USH2A: variants seen among roughly 807,000 people sequenced by gnomAD.
USH2A encodes the protein usherin.
In USH2A, 443 loss-of-function variants were observed where a neutral mutation model predicts 538.9. The observed-to-expected ratio is 0.82, with a 90% CI of 0.76 to 0.89. USH2A has a LOEUF of 0.89. Among genes scored for constraint, USH2A ranks in the 40% least tolerant of loss-of-function variants. USH2A has a pLI of 0.00. For missense variants in USH2A, 6,633 were observed against 6,324.8 expected (o/e 1.05, Z -1.65); for synonymous variants, 2,413 against 2,273.5 (o/e 1.06, Z -1.75).
intron 9 of USH2A, among the ~76,000 whole-genome samples, chr1:216,321,272 C>T (rs1490209891): frequency 2.0e-5 from 3 of 152,126 alleles, no homozygotes; most frequent in African/African-American, 7.2e-5. Flanking sequence ...TTCCTACCAA[C>T]GAATGTTTCT....
chr1:215,665,470 G>T (rs1226472896), intron 64 of USH2A, among the ~76,000 whole-genome samples: 2 of 152,160 alleles, frequency 1.3e-5, no homozygotes, highest in East Asian at 3.9e-4. Flanking sequence ...TCAGTGAAAG[G>T]GGGGGTGGTG....
At position 215,875,985 on chromosome 1, in the gene USH2A, C is replaced by G. The variant is rs144089814; in HGVS notation, c.8681+1773G>C. 8.9e-3 allele frequency among the ~76,000 whole-genome samples: 1,295 copies of G among 146,234 alleles called. 14 individuals carry two copies. The highest frequency in any genetic ancestry group is 0.03 in the African/African-American group (1,202 of 39,574). On this transcript the variant is annotated intron_variant, in intron 43 of 71. Coordinates refer to ENST00000307340, the MANE Select transcript of USH2A (RefSeq NM_206933.4). ...ATAAAAATACATATTATATCACACTCTCTATGGAGGGGGCGGGGGGAAGGG... is the reference window on the plus strand; with the variant it reads ...ATAAAAATACATATTATATCACACTGTCTATGGAGGGGGCGGGGGGAAGGG...
chr1:215,874,965 G>C (rs1664721023), intron 43 of USH2A, among the ~76,000 whole-genome samples: 1 of 152,194 alleles, frequency 6.6e-6, no homozygotes, highest in Non-Finnish European at 1.5e-5. Context: ...TAACACAGGG[G>C]TGAACCAACA....
chr1:216,216,266 A>C (rs1237719486), intron 15 of USH2A, among the ~76,000 whole-genome samples: 3 of 152,114 alleles, frequency 2.0e-5, no homozygotes, highest in African/African-American at 7.2e-5. Flanking sequence ...CTACAGTTTT[A>C]CTTATACTGA....
Position 216,289,415 on chromosome 1 carries a change from A to G in USH2A, c.1841-5T>C, listed in dbSNP as rs769855477. On this transcript the variant is annotated splice_region_variant and splice_polypyrimidine_tract_variant and intron_variant, in intron 10 of 71. Coordinates refer to ENST00000307340, the MANE Select transcript of USH2A (RefSeq NM_206933.4). ...TGCACAGCTCACAGTTCCTTCCTGC[A>G]TCAGGGAAAGGTTATGCATTATGAC... The G allele has an allele frequency of 6.2e-7, 1 of 1,613,854 alleles. No homozygotes were observed. Among genetic ancestry groups the G allele is most frequent in the Non-Finnish European group, 8.5e-7 (1 of 1,179,752 alleles).
At position 215,628,817 on chromosome 1, in the gene USH2A, T is replaced by C. The variant is rs757993597; in HGVS notation, c.15516A>G (p.Gly5172=). 6.2e-7 allele frequency: 1 copy of C among 1,614,148 alleles called. No individual in the cohort carries two copies. The highest frequency in any genetic ancestry group is 1.1e-5 in the South Asian group (1 of 91,080). ...CTGTATGAGGAAACCAACTCACCAG[T>C]CCACTGTTGTGGCCCATGATGGCTT... is the stretch of plus-strand genomic sequence containing the variant. ...LWEAIMGHNS[G]LYVDEEDLMN... The change falls in exon 71 of 72, where the codon GGA becomes GGG. Residue 5172 remains glycine, a synonymous_variant. Coordinates refer to ENST00000307340, the MANE Select transcript of USH2A (RefSeq NM_206933.4).
At chr1:215,806,657 C>T (rs1254645080) in intron 49 of USH2A, among the ~76,000 whole-genome samples, 1 of 151,800 alleles carries the variant, frequency 6.6e-6, no homozygotes, top group African/African-American at 2.4e-5. Flanking sequence ...CATAACACCC[C>T]ATTATCCCCT....
intron 9 of USH2A, among the ~76,000 whole-genome samples, chr1:216,318,088 T>G (rs923690812): frequency 1.3e-5 from 2 of 152,198 alleles, no homozygotes; most frequent in East Asian, 1.9e-4. Context: ...TTCATTCATT[T>G]TTGTTTCTAC....
intron 60 of USH2A, among the ~76,000 whole-genome samples, chr1:215,734,882 C>G (rs1295245477): frequency 6.6e-6 from 1 of 152,200 alleles, no homozygotes; most frequent in African/African-American, 2.4e-5. Flanking sequence ...AACCATTTAA[C>G]CAGTCTCTAA....
chr1:216,141,163 T>C (rs1291171863), intron 21 of USH2A, among the ~76,000 whole-genome samples: 1 of 152,228 alleles, frequency 6.6e-6, no homozygotes, highest in African/African-American at 2.4e-5. Flanking sequence ...ATGGAGTATA[T>C]TATGCAACTT....
intron 38 of USH2A, chr1:215,901,147 T>A: frequency 1.9e-6 from 1 of 532,152 alleles, no homozygotes; most frequent in South Asian, 2.0e-5. Flanking sequence ...GACAAATGAA[T>A]ATGCAGCACA....
At chr1:216,196,451 A>G in intron 19 of USH2A, 102 bp downstream of exon 19, 2 of 1,339,788 alleles carry the variant, frequency 1.5e-6, no homozygotes. Flanking sequence ...TGTTTAATCA[A>G]TATAGAGGGA....
chr1:216,369,515 A>G lies in USH2A; in HGVS notation c.652-4430T>C, dbSNP rs181923017. Among the ~76,000 whole-genome samples the G allele has an allele frequency of 1.3e-3, 204 of 152,308 alleles. 4 individuals are homozygous for G. Among genetic ancestry groups the G allele is most frequent in the Admixed American group, 0.012 (189 of 15,286 alleles). ...CAAGCTATTTCCATATAGGCACTTA[A>G]CTAAATTTTTAGTATTTTTCAAAAC... On this transcript the variant is annotated intron_variant, in intron 3 of 71. Transcript: ENST00000307340.
At chr1:215,924,953 C>T (rs997550717) in intron 38 of USH2A, among the ~76,000 whole-genome samples, 1 of 151,968 alleles carries the variant, frequency 6.6e-6, no homozygotes, top group Non-Finnish European at 1.5e-5. Context: ...TTCAAAGTTT[C>T]CTTCCCTCTT....
At chr1:215,874,552 G>A (rs1339504800) in intron 43 of USH2A, among the ~76,000 whole-genome samples, 1 of 152,164 alleles carries the variant, frequency 6.6e-6, no homozygotes, top group East Asian at 1.9e-4. Context: ...TTAAATTGGT[G>A]CTTTTCTATG....
At chr1:216,006,208 A>ATG (rs1668386870) in intron 32 of USH2A, among the ~76,000 whole-genome samples, 1 of 152,152 alleles carries the variant, frequency 6.6e-6, no homozygotes, top group Non-Finnish European at 1.5e-5. Flanking sequence ...ACTACTTCAT[A>ATG]ATCTTCAGAA....
At chr1:216,384,058 AT>A (rs2038963798) in intron 3 of USH2A, among the ~76,000 whole-genome samples, 1 of 151,592 alleles carries the variant, frequency 6.6e-6, no homozygotes, top group Non-Finnish European at 1.5e-5. Flanking sequence ...TACAAATTTT[AT>A]TCTTTAATAT....
chr1:216,054,476 G>A (rs2030905569), intron 30 of USH2A, among the ~76,000 whole-genome samples: 1 of 152,170 alleles, frequency 6.6e-6, no homozygotes, highest in South Asian at 2.1e-4. Flanking sequence ...CAACAGAGGA[G>A]TCTGCTTTCA....
intron 23 of USH2A, 129 bp downstream of exon 23, chr1:216,088,884 T>C: frequency 7.1e-7 from 1 of 1,416,286 alleles, no homozygotes; most frequent in Non-Finnish European, 9.6e-7. Flanking sequence ...AAAGGCAAAT[T>C]CAACAGCAAT....
Sources: allele counts gnomAD v4.1 joint callset (sites outside exome capture counted in the v4.1 genomes callset), GRCh38; gene constraint gnomAD v4.1.1; transcripts MANE v1.5; gene names NCBI Gene and HGNC (gene_info 2026-07-23, HGNC 2026-07-21).